The following CCDC85A variants were observed in gnomAD, a reference collection of about 807,000 sequenced individuals.
The protein encoded by CCDC85A is coiled-coil domain containing 85A, also known as coiled-coil domain-containing protein 85A.
In CCDC85A, 38 loss-of-function variants were observed where a neutral mutation model predicts 50.2. The observed-to-expected ratio is 0.76, with a 90% CI of 0.58 to 0.99. CCDC85A has a LOEUF of 0.99. Among genes scored for constraint, CCDC85A ranks in the 50% least tolerant of loss-of-function variants. The pLI, the probability that CCDC85A is intolerant of heterozygous loss-of-function variation, is 0.00. For missense variants in CCDC85A, 820 were observed against 742.0 expected (o/e 1.11, Z -1.22); for synonymous variants, 366 against 301.4 (o/e 1.21, Z -2.22).
Position 56,335,758 on chromosome 2 carries a change from C to T in CCDC85A, c.1241-7121C>T, listed in dbSNP as rs372667101. 1.1e-4 allele frequency among the ~76,000 whole-genome samples: 17 copies of T among 152,006 alleles called. No homozygotes were observed. In the East Asian group the frequency reaches 2.5e-3, roughly 23 times the overall value. ...CTGGGATTACAGGTGCCTGCCACCACGCCAGGCTAATTTTTGTATCTTTAG... is the reference window on the plus strand; with the variant it reads ...CTGGGATTACAGGTGCCTGCCACCATGCCAGGCTAATTTTTGTATCTTTAG... On this transcript the variant is annotated intron_variant, in intron 2 of 5. Transcript: ENST00000407595.
intron 2 of CCDC85A, among the ~76,000 whole-genome samples, chr2:56,247,651 G>A (rs1573095918): frequency 6.6e-6 from 1 of 152,098 alleles, no homozygotes; most frequent in South Asian, 2.1e-4. Context: ...GCTCCTTTGT[G>A]CTTTGATAAA....
intron 2 of CCDC85A, among the ~76,000 whole-genome samples, chr2:56,202,613 A>G (rs754364414): frequency 2.0e-5 from 3 of 152,236 alleles, no homozygotes; most frequent in Non-Finnish European, 4.4e-5. Context: ...TGCGTTTTTT[A>G]ATAACTCAGC....
At chr2:56,322,845 G>A (rs575233337) in intron 2 of CCDC85A, among the ~76,000 whole-genome samples, 181 of 152,260 alleles carry the variant, frequency 1.2e-3, no homozygotes, top group East Asian at 7.7e-3. Context: ...ATATGCACAT[G>A]TGTGTTTATT....
intron 2 of CCDC85A, among the ~76,000 whole-genome samples, chr2:56,226,260 C>G (rs999935749): frequency 6.6e-6 from 1 of 152,166 alleles, no homozygotes; most frequent in African/African-American, 2.4e-5. Context: ...ATATAATAAA[C>G]CTTGGAGCAT....
chr2:56,269,822 C>A lies in CCDC85A; in HGVS notation c.1241-73057C>A, dbSNP rs529292508. Among the ~76,000 whole-genome samples, 9 of 152,254 alleles carry A rather than the reference C, an allele frequency of 5.9e-5. No individual in the cohort carries two copies. In the East Asian group the frequency reaches 1.4e-3, roughly 23 times the overall value. On this transcript the variant is annotated intron_variant, in intron 2 of 5. Transcript: ENST00000407595. ...ATAAAGTAGAGTTAACATCCATTTC[C>A]TCTCTTGCGTTATTTCAGATGATCC...
Position 56,193,234 on chromosome 2 carries a change from G to A in CCDC85A, c.1034G>A (p.Gly345Glu), listed in dbSNP as rs200423664. 1.6e-5 allele frequency: 26 copies of A among 1,613,462 alleles called. No individual in the cohort carries two copies. Among genetic ancestry groups the A allele is most frequent in the Middle Eastern group, 1.6e-4 (1 of 6,084 alleles). Residue 345 changes from glycine (G) to glutamate (E), a missense_variant, in exon 2 of 6, where the codon GGG becomes GAG. Physicochemically the swap from Gly to Glu is moderately conservative, Grantham distance 98. Transcript: ENST00000407595. ...GAGCATCTTCAGAAACACGCTCTTGGGGGGAGCCTAGAGCATCTCCCCAGA... is the reference window on the plus strand; with the variant it reads ...GAGCATCTTCAGAAACACGCTCTTGAGGGGAGCCTAGAGCATCTCCCCAGA... Reference protein sequence around the residue: ...SPEHLQKHALGGSLEHLPRAR... With the variant: ...SPEHLQKHALEGSLEHLPRAR...
Position 56,213,461 on chromosome 2 carries a change from G to A in CCDC85A, c.1240+20021G>A, listed in dbSNP as rs544373486. On this transcript the variant is annotated intron_variant, in intron 2 of 5. Coordinates refer to ENST00000407595, the MANE Select transcript of CCDC85A (RefSeq NM_001080433.2). ...ACAATCTTGTTTTACGAAGAGTTCA[G>A]ATTTGTGTGTAACTTGGAGCAGGTT... 2.0e-4 allele frequency among the ~76,000 whole-genome samples: 31 copies of A among 152,084 alleles called. No individual in the cohort carries two copies. In the South Asian group the frequency reaches 3.9e-3, roughly 19 times the overall value.
intron 2 of CCDC85A, among the ~76,000 whole-genome samples, chr2:56,261,752 C>T (rs1558611720): frequency 1.3e-5 from 2 of 152,176 alleles, no homozygotes; most frequent in Non-Finnish European, 1.5e-5. Context: ...GGGTGAGGCA[C>T]CATGGGCACA....
intron 2 of CCDC85A, among the ~76,000 whole-genome samples, chr2:56,275,232 A>T (rs748713528): frequency 2.0e-5 from 3 of 151,894 alleles, no homozygotes; most frequent in Non-Finnish European, 4.4e-5. Context: ...GCTGGCCTTG[A>T]ATGAATGTAT....
Position 56,184,445 on chromosome 2 carries a change from T to C in CCDC85A, c.-180T>C, listed in dbSNP as rs1675902416. The C allele has an allele frequency of 3.1e-6, 2 of 643,402 alleles. No individual in the cohort carries two copies. Among genetic ancestry groups the C allele is most frequent in the Non-Finnish European group, 4.3e-6 (2 of 462,928 alleles). The allele number at this position is 643,402 out of a possible 1,614,324, so 39.9% of individuals were successfully genotyped here. On this transcript the variant is annotated 5_prime_UTR_variant, in exon 1 of 6. It removes an upstream start codon present in the reference 5' UTR. Transcript: ENST00000407595. Reference sequence around the variant, plus strand: ...GGGAGCGCGGGCGCGCGCGCGGGGATGGCGAGGTAGGATGGCCACCCAGCG... The same window carrying C: ...GGGAGCGCGGGCGCGCGCGCGGGGACGGCGAGGTAGGATGGCCACCCAGCG...
Position 56,192,486 on chromosome 2 carries a change from C to G in CCDC85A, c.286C>G (p.Gln96Glu), listed in dbSNP as rs762043914. 2 of 1,609,234 alleles carry G rather than the reference C, an allele frequency of 1.2e-6. No homozygotes were observed. Among genetic ancestry groups the G allele is most frequent in the Non-Finnish European group, 1.7e-6 (2 of 1,177,716 alleles). The part of the protein sequence containing the change: ...GEIRGLKDIN[Q>E]KLQEDNQELR... ...GTGTCTCTCTTTTCAGGATATCAAC[C>G]AGAAACTCCAGGAAGACAACCAGGA... Residue 96 changes from glutamine (Q) to glutamate (E), a missense_variant, in exon 2 of 6, where the codon CAG (glutamine) becomes GAG (glutamate). By Grantham distance (29) the Gln-to-Glu change is conservative. Coordinates refer to ENST00000407595, the MANE Select transcript of CCDC85A (RefSeq NM_001080433.2). This position sits in a 1 kb window ranked among gnomAD's most constrained non-coding sequence, Gnocchi z 4.7.
chr2:56,355,201 A>G lies in CCDC85A; in HGVS notation c.1317+12246A>G, dbSNP rs141739611. Among the ~76,000 whole-genome samples the G allele has an allele frequency of 1.3e-4, 20 of 152,312 alleles. No individual in the cohort carries two copies. The East Asian group carries it at 3.9e-3, about 29-fold the overall frequency. On this transcript the variant is annotated intron_variant, in intron 3 of 5. Coordinates refer to ENST00000407595, the MANE Select transcript of CCDC85A (RefSeq NM_001080433.2). The stretch of plus-strand genomic sequence containing the variant: ...GAGTTTTCCAATATTCTCTGGGCTG[A>G]GAAAATTCCCCCACCCTTACTTGGG...
intron 2 of CCDC85A, among the ~76,000 whole-genome samples, chr2:56,221,659 C>T (rs755515784): frequency 6.6e-6 from 1 of 151,984 alleles, no homozygotes; most frequent in African/African-American, 2.4e-5. Context: ...AAAGGTAATT[C>T]ATTTCATGAT....
At chr2:56,283,536 T>C (rs1159132584) in intron 2 of CCDC85A, among the ~76,000 whole-genome samples, 1 of 152,224 alleles carries the variant, frequency 6.6e-6, no homozygotes, top group Non-Finnish European at 1.5e-5. Flanking sequence ...TTTTTGATTC[T>C]TTTGGTCTAT....
chr2:56,248,786 G>A (rs1669623599), intron 2 of CCDC85A, among the ~76,000 whole-genome samples: 1 of 152,156 alleles, frequency 6.6e-6, no homozygotes, highest in Admixed American at 6.5e-5. Flanking sequence ...GGTCTGAACT[G>A]GGTTTCATTA....
At chr2:56,316,883 A>G (rs1034954707) in intron 2 of CCDC85A, among the ~76,000 whole-genome samples, 1 of 152,150 alleles carries the variant, frequency 6.6e-6, no homozygotes, top group East Asian at 1.9e-4. Flanking sequence ...GAAAGTATTA[A>G]CAATAGTTGC....
intron 3 of CCDC85A, among the ~76,000 whole-genome samples, chr2:56,364,593 C>T (rs1001582798): frequency 6.6e-6 from 1 of 152,152 alleles, no homozygotes; most frequent in Non-Finnish European, 1.5e-5. Context: ...TTATTAATCA[C>T]TTCTTTGATC....
intron 5 of CCDC85A, among the ~76,000 whole-genome samples, chr2:56,378,767 A>G (rs1327265793): frequency 1.3e-5 from 2 of 152,196 alleles, no homozygotes; most frequent in Non-Finnish European, 2.9e-5. Context: ...GTTTGGCTCA[A>G]TTGGTGTAAA....
At chr2:56,366,074 A>G (rs1228826038) in intron 3 of CCDC85A, among the ~76,000 whole-genome samples, 1 of 152,162 alleles carries the variant, frequency 6.6e-6, no homozygotes, top group Non-Finnish European at 1.5e-5. Flanking sequence ...CCACGTTGTG[A>G]CAAGTGACAG....
Sources: gnomAD v4.1 joint callset for allele counts (sites outside exome capture counted in the v4.1 genomes callset) on GRCh38, gnomAD v4.1.1 for gene constraint, Gnocchi (gnomAD v3.1) non-coding constraint, MANE v1.5 for transcripts, NCBI Gene and HGNC (gene_info 2026-07-23, HGNC 2026-07-21) for gene names.